The following CSMD1 variants were observed in gnomAD, a reference collection of about 807,000 sequenced individuals.
CSMD1 encodes CUB and Sushi multiple domains 1.
In CSMD1, 213 loss-of-function variants were observed where a neutral mutation model predicts 417.5. The ratio of observed to expected loss-of-function variants is 0.51; its 90% CI spans 0.46 to 0.57. CSMD1 has a LOEUF of 0.57. CSMD1 is among the 20% of genes least tolerant of loss of function. CSMD1 has a pLI of 0.00. For synonymous variants in CSMD1, 2,862 were observed against 1,736.8 expected, an observed-to-expected ratio of 1.65 and a Z score of -16.11; for missense variants, 6,923 against 4,529.7, an observed-to-expected ratio of 1.53 and a Z score of -15.17.
chr8:4,469,780 G>C (rs1466577912), intron 2 of CSMD1, among the ~76,000 whole-genome samples: 1 of 152,042 alleles, frequency 6.6e-6, no homozygotes, highest in Non-Finnish European at 1.5e-5. Flanking sequence ...CCAGGCGACA[G>C]CACTCCTCTG....
chr8:4,910,037 A>G (rs1805560303), intron 1 of CSMD1, among the ~76,000 whole-genome samples: 2 of 152,250 alleles, frequency 1.3e-5, no homozygotes, highest in African/African-American at 4.8e-5. Context: ...AACCAATAGC[A>G]TGTCAGATTC....
intron 2 of CSMD1, among the ~76,000 whole-genome samples, chr8:4,625,201 G>A (rs1264051314): frequency 8.2e-6 from 1 of 121,584 alleles, no homozygotes; most frequent in Non-Finnish European, 1.8e-5. Flanking sequence ...AGGCAACCTC[G>A]TCTACACAGC....
chr8:3,620,292 A>C (rs1046570773), intron 7 of CSMD1, among the ~76,000 whole-genome samples: 6 of 147,468 alleles, frequency 4.1e-5, no homozygotes, highest in African/African-American at 1.4e-4. Flanking sequence ...AAGTCCTTCA[A>C]GTTGAAATGA....
intron 54 of CSMD1, among the ~76,000 whole-genome samples, chr8:2,987,075 A>G (rs1019894181): frequency 1.3e-5 from 2 of 151,998 alleles, no homozygotes; most frequent in African/African-American, 4.8e-5. Context: ...ACTAATTCTT[A>G]ATGGTCTCTC....
chr8:4,876,000 T>C (rs1286785681), intron 1 of CSMD1, among the ~76,000 whole-genome samples: 1 of 152,106 alleles, frequency 6.6e-6, no homozygotes, highest in Non-Finnish European at 1.5e-5. Context: ...ATTTTTATAG[T>C]AAAGAGTAAA....
intron 10 of CSMD1, among the ~76,000 whole-genome samples, chr8:3,529,414 G>C (rs906031740): frequency 3.9e-5 from 6 of 152,284 alleles, no homozygotes; most frequent in Non-Finnish European, 7.4e-5. Flanking sequence ...ATGGGGGGTT[G>C]ATACATGAGG....
At chr8:4,282,019 T>C (rs1250126800) in intron 3 of CSMD1, among the ~76,000 whole-genome samples, 2 of 152,226 alleles carry the variant, frequency 1.3e-5, no homozygotes, top group East Asian at 1.9e-4. Flanking sequence ...TCTCTTGAGA[T>C]GTGATTAGCC....
intron 4 of CSMD1, among the ~76,000 whole-genome samples, chr8:4,012,284 T>C (rs1816600787): frequency 6.6e-6 from 1 of 152,158 alleles, no homozygotes; most frequent in South Asian, 2.1e-4. Context: ...TTCTGAGTCA[T>C]CATGCCAGTT....
At chr8:3,620,805 C>T (rs1353639854) in intron 7 of CSMD1, among the ~76,000 whole-genome samples, 1 of 152,088 alleles carries the variant, frequency 6.6e-6, no homozygotes, top group Non-Finnish European at 1.5e-5. Context: ...TGGTAAAAGT[C>T]AGAGCTACCC....
chr8:4,190,597 G>A lies in CSMD1; in HGVS notation c.416-158498C>T, dbSNP rs28415425. Among the ~76,000 whole-genome samples, 979 of 149,786 alleles carry A rather than the reference G, an allele frequency of 6.5e-3. 17 individuals are homozygous for A. Among genetic ancestry groups the A allele is most frequent in the African/African-American group, 0.023 (930 of 40,520 alleles). ...GATGATCTATTCCCATGTTTATAACGATGTGGAATGGAAGCTCAAAGGGGT... is the reference window on the plus strand; with the variant it reads ...GATGATCTATTCCCATGTTTATAACAATGTGGAATGGAAGCTCAAAGGGGT... On this transcript the variant is annotated intron_variant, in intron 3 of 69. Transcript: ENST00000635120.
At chr8:3,598,917 T>C (rs1363938796) in intron 8 of CSMD1, among the ~76,000 whole-genome samples, 4 of 151,930 alleles carry the variant, frequency 2.6e-5, no homozygotes, top group Non-Finnish European at 5.9e-5. Context: ...CCCATCTCTA[T>C]GAAAAATACA....
intron 5 of CSMD1, among the ~76,000 whole-genome samples, chr8:3,970,889 T>C (rs1004423956): frequency 1.3e-5 from 2 of 152,048 alleles, no homozygotes; most frequent in South Asian, 2.1e-4. Flanking sequence ...GTAGCTGGGA[T>C]TACAGGTGAC....
intron 1 of CSMD1, among the ~76,000 whole-genome samples, chr8:4,921,312 T>C (rs942714640): frequency 3.3e-5 from 5 of 152,180 alleles, no homozygotes; most frequent in Admixed American, 2.0e-4. Flanking sequence ...ATTTAGGATA[T>C]ACTCAGGAAA....
At chr8:3,204,478 C>G (rs903728327) in intron 31 of CSMD1, among the ~76,000 whole-genome samples, 1 of 151,936 alleles carries the variant, frequency 6.6e-6, no homozygotes, top group Non-Finnish European at 1.5e-5. Context: ...TTTGGTCCAA[C>G]TTAAAATTTG....
chr8:4,097,312 A>T (rs937068283), intron 3 of CSMD1, among the ~76,000 whole-genome samples: 2 of 152,322 alleles, frequency 1.3e-5, no homozygotes, highest in Admixed American at 1.3e-4. Context: ...ATACTGAAAC[A>T]CTTATTTTAA....
intron 3 of CSMD1, among the ~76,000 whole-genome samples, chr8:4,174,290 C>A (rs558040554): frequency 1.1e-4 from 16 of 152,244 alleles, no homozygotes; most frequent in African/African-American, 3.9e-4. Flanking sequence ...AGTATTTCAT[C>A]ATTTTTAAAG....
chr8:3,718,444 G>C (rs528935846), intron 6 of CSMD1, among the ~76,000 whole-genome samples: 3 of 152,150 alleles, frequency 2.0e-5, no homozygotes, highest in Non-Finnish European at 2.9e-5. Context: ...TCCTCTGAAA[G>C]CCTGATGTTA....
chr8:4,435,642 C>T (rs1024732710), intron 2 of CSMD1, among the ~76,000 whole-genome samples: 6 of 152,160 alleles, frequency 3.9e-5, no homozygotes, highest in African/African-American at 1.4e-4. Flanking sequence ...CTACCACCTC[C>T]CTGGGGGAAG....
intron 3 of CSMD1, among the ~76,000 whole-genome samples, chr8:4,088,808 C>T (rs543377014): frequency 8.7e-4 from 132 of 152,254 alleles, no homozygotes; most frequent in African/African-American, 2.8e-3. Context: ...ATTGATCCCT[C>T]AGCATGTGGA....
Sources: gnomAD v4.1 joint callset for allele counts (sites outside exome capture counted in the v4.1 genomes callset) on GRCh38, gnomAD v4.1.1 for gene constraint, MANE v1.5 for transcripts, NCBI Gene and HGNC (gene_info 2026-07-23, HGNC 2026-07-21) for gene names.